Variants in NOTUM observed in about 807,000 individuals in gnomAD.
NOTUM encodes the protein notum, palmitoleoyl-protein carboxylesterase, also known as palmitoleoyl-protein carboxylesterase NOTUM.
A neutral mutation model predicts 65.5 loss-of-function variants in NOTUM; 36 were observed. The ratio of observed to expected loss-of-function variants is 0.55; its 90% confidence interval spans 0.42 to 0.73. The LOEUF is 0.73. NOTUM is among the 30% of genes least tolerant of loss of function. NOTUM has a pLI of 0.00. For synonymous variants in NOTUM, 356 were observed against 297.9 expected (o/e 1.20, Z -2.01); for missense variants, 659 against 694.2 (o/e 0.95, Z 0.57).
At position 81,959,655 on chromosome 17, in the gene NOTUM, G is replaced by A. The variant is rs896994147; in HGVS notation, c.361C>T (p.Leu121Phe). 3 of 1,543,534 alleles carry A rather than the reference G, an allele frequency of 1.9e-6. No individual in the cohort carries two copies. The highest frequency in any genetic ancestry group is 1.7e-6 in the Non-Finnish European group (2 of 1,145,142). The change falls in exon 2 of 11, where the codon CTC becomes TTC. Residue 121 changes from leucine (L) to phenylalanine (F), a missense_variant. By Grantham distance (22) the Leu-to-Phe change is conservative. Coordinates refer to ENST00000409678, the MANE Select transcript of NOTUM (RefSeq NM_178493.6). ...LKESRGSRRW[L>F]LFLEGGWYCF... ...CTGGACGCACCTTCCAGGAAGAGGA[G>A]CCACCGCCGGCTGCCCCTGGACTCC...
In NOTUM at chr17:81,960,383, C is replaced by A. The variant is rs2041465509; in HGVS notation, c.323+204G>T. 6.6e-6 allele frequency among the ~76,000 whole-genome samples: 1 copy of A among 152,220 alleles called. No homozygotes were observed. Among genetic ancestry groups the A allele is most frequent in the South Asian group, 2.1e-4 (1 of 4,838 alleles). On this transcript the variant is annotated intron_variant, in intron 1 of 10. Coordinates refer to ENST00000409678, the MANE Select transcript of NOTUM (RefSeq NM_178493.6). This position sits in a 1 kb window ranked among gnomAD's most constrained non-coding sequence, Gnocchi z 6.4. ...AGAGGCCGAGGGGTCAGTGCCCGAG[C>A]TGGCCGGGGACCAGCCCTTCCAGCG...
rs758691068 is a variant in NOTUM, at chr17:81,954,228, G to A, written c.1184+28C>T. ...GACTTTTGAAGTTGATGTCATGGAC[G>A]CAAGCTGCCCGGAGCAGGGACACTG... On this transcript the variant is annotated intron_variant, in intron 10 of 10. Coordinates refer to ENST00000409678, the MANE Select transcript of NOTUM (RefSeq NM_178493.6). 1.1e-5 allele frequency: 17 copies of A among 1,576,938 alleles called. No individual in the cohort carries two copies. In the Admixed American group the frequency reaches 1.7e-4, roughly 15 times the overall value.
rs1269884882 is a variant in NOTUM at position 81,960,581 on chromosome 17, C to T, written c.323+6G>A. The T allele has an allele frequency of 2.0e-6, 3 of 1,488,788 alleles. No homozygotes were observed. The African/African-American group carries it at 4.2e-5, about 21-fold the overall frequency. The allele number at this position is 1,488,788 out of a possible 1,614,324, so 92.2% of individuals were successfully genotyped here. On this transcript the variant is annotated splice_donor_region_variant and intron_variant, in intron 1 of 10. Transcript: ENST00000409678. The surrounding 1 kb of genome is among the most constrained non-coding windows in gnomAD (Gnocchi z 6.4). ...GGGGCGGGGAGGTGCAGGGCGCGGG[C>T]CTTACCCGGCGGGGCTGCCGTCGTT...
chr17:81,959,403 C>T (rs1340641912), intron 3 of NOTUM, 68 bp downstream of exon 3: 1 of 1,252,912 alleles, frequency 8.0e-7, no homozygotes, highest in Non-Finnish European at 1.1e-6. Context: ...GGCTGGGGCT[C>T]CAGGAGGCGG....
Position 81,958,434 on chromosome 17 carries a change from G to T in NOTUM, c.534-41C>A, listed in dbSNP as rs377225305. On this transcript the variant is annotated intron_variant, in intron 4 of 10. Transcript: ENST00000409678. Reference sequence around the variant, plus strand: ...GAGTGAGCCTGTCACAGCGCCTGCCGCCCGGCAGCCTCCAGAAAGGACCCC... The same window carrying T: ...GAGTGAGCCTGTCACAGCGCCTGCCTCCCGGCAGCCTCCAGAAAGGACCCC... 5.2e-5 allele frequency: 74 copies of T among 1,421,186 alleles called. No individual in the cohort carries two copies. In the African/African-American group the frequency reaches 8.5e-4, roughly 16 times the overall value. The allele number at this position is 1,421,186 out of a possible 1,614,324, so 88.0% of individuals were successfully genotyped here.
chr17:81,957,718 C>A, intron 6 of NOTUM, 88 bp downstream of exon 6: 1 of 915,882 alleles, frequency 1.1e-6, no homozygotes, highest in Admixed American at 2.1e-5. Flanking sequence ...CCATCCTCGC[C>A]TCTCATACAA....
rs146113460 is a variant in NOTUM, at chr17:81,958,826, C to G, written c.533+109G>C. 34 of 821,262 alleles carry G rather than the reference C, an allele frequency of 4.1e-5. No homozygotes were observed. The African/African-American group carries it at 5.1e-4, about 12-fold the overall frequency. The allele number at this position is 821,262 out of a possible 1,614,324, so 50.9% of individuals were successfully genotyped here. The stretch of plus-strand genomic sequence containing the variant: ...ACCTCCCCAAAAGAACCATCCAGAA[C>G]AGGACCCCCAGGAAAGACCATTTCA... On this transcript the variant is annotated intron_variant, in intron 4 of 10. Transcript: ENST00000409678.
intron 3 of NOTUM, 168 bp from the exon 4 acceptor site, chr17:81,959,163 TA>T: frequency 1.5e-6 from 1 of 650,896 alleles, no homozygotes; most frequent in Non-Finnish European, 2.7e-6. Flanking sequence ...CAGTTGGGTT[TA>T]GTTACCCCCG....
chr17:81,959,203 T>G, intron 3 of NOTUM: 1 of 619,750 alleles, frequency 1.6e-6, no homozygotes, highest in African/African-American at 1.8e-5. Context: ...GGTGCCCGGC[T>G]AGGCTGGACA....
chr17:81,959,384 T>C, intron 3 of NOTUM, 87 bp downstream of exon 3: 1 of 1,021,668 alleles, frequency 9.8e-7, no homozygotes, highest in East Asian at 2.6e-5. Context: ...ATGTGCGGGG[T>C]GGGGGCCTGG....
chr17:81,960,751 C>T lies in NOTUM; in HGVS notation c.159G>A (p.Pro53=), dbSNP rs2041469111. 2 of 1,595,070 alleles carry T rather than the reference C, an allele frequency of 1.3e-6. No individual in the cohort carries two copies. The highest frequency in any genetic ancestry group is 2.3e-5 in the East Asian group (1 of 44,166). The change falls in exon 1 of 11, where the codon CCG becomes CCA. Residue 53 remains proline (P), a synonymous_variant. Coordinates refer to ENST00000409678, the MANE Select transcript of NOTUM (RefSeq NM_178493.6). This position sits in a 1 kb window ranked among gnomAD's most constrained non-coding sequence, Gnocchi z 6.4. ...PAAGQPVESF[P]LDFTAVEGNM... is the part of the protein sequence containing the mutation. The stretch of plus-strand genomic sequence containing the variant: ...TACCCTCCACGGCCGTGAAGTCCAG[C>T]GGGAAGCTCTCCACGGGCTGTCCGG...
rs751910651 is a variant in NOTUM, at chr17:81,958,929, C to T, written c.533+6G>A. On this transcript the variant is annotated splice_donor_region_variant and intron_variant, in intron 4 of 10. Transcript: ENST00000409678. ...GACTCCCAGGCAAGACCCTGTGCCC[C>T]CTTACACCATGTTTGCGTTCCACCA... is the stretch of plus-strand genomic sequence containing the variant. 6.2e-7 allele frequency: 1 copy of T among 1,611,128 alleles called. No homozygotes were observed. Among genetic ancestry groups the T allele is most frequent in the Admixed American group, 1.7e-5 (1 of 60,006 alleles).
rs760415290 is a variant in NOTUM at position 81,956,737 on chromosome 17, C to T, written c.901G>A (p.Val301Met). Residue 301 changes from valine to methionine, a missense_variant, in exon 8 of 11, where the codon GTG (valine) becomes ATG (methionine). By Grantham distance (21) the Val-to-Met change is conservative. Transcript: ENST00000409678. ...TGGCGTCGGCAGCGCTCCGGGACCA[C>T]CCCGTTCCAGTACCTGGAGCCACAG... is the stretch of plus-strand genomic sequence containing the variant. ...IRRGIRYWNG[V>M]VPERCRRQFQ... 24 of 1,612,532 alleles carry T rather than the reference C, an allele frequency of 1.5e-5. No individual in the cohort carries two copies. The highest frequency in any genetic ancestry group is 1.9e-5 in the Non-Finnish European group (23 of 1,179,760).
Position 81,956,965 on chromosome 17 carries a change from G to A in NOTUM, c.805C>T (p.Leu269=), listed in dbSNP as rs975118874. 1.2e-6 allele frequency: 2 copies of A among 1,613,422 alleles called. No homozygotes were observed. The highest frequency in any genetic ancestry group is 1.3e-5 in the African/African-American group (1 of 75,050). Reference sequence around the variant, plus strand: ...GTGTGGCGATACTGCTTGTTGTCCAGGAACCAGCCGGAGTCAGCCAGGCCT... The same window carrying A: ...GTGTGGCGATACTGCTTGTTGTCCAAGAACCAGCCGGAGTCAGCCAGGCCT... ...VRGLADSGWF[L]DNKQYRHTDC... Residue 269 remains leucine, a synonymous_variant, in exon 7 of 11, where the codon CTG becomes TTG. Transcript: ENST00000409678.
chr17:81,953,784 TTC>T (rs1241892975), intron 10 of NOTUM, among the ~76,000 whole-genome samples: 1 of 150,606 alleles, frequency 6.6e-6, no homozygotes, highest in Non-Finnish European at 1.5e-5. Context: ...TTTTTTTTTT[TTC>T]TTTTTTTTTT....
At chr17:81,958,833 C>T in intron 4 of NOTUM, 102 bp downstream of exon 4, 1 of 879,328 alleles carries the variant, frequency 1.1e-6, no homozygotes, top group Non-Finnish European at 1.9e-6. Context: ...GAACAGGACC[C>T]CCAGGAAAGA....
At chr17:81,957,697 C>A in intron 6 of NOTUM, 109 bp downstream of exon 6, 1 of 754,680 alleles carries the variant, frequency 1.3e-6, no homozygotes, top group Non-Finnish European at 2.3e-6. Context: ...AAGATCTGCA[C>A]AGGCTCCACT....
At chr17:81,958,854 A>G (rs919975947) in intron 4 of NOTUM, 81 bp downstream of exon 4, 3 of 1,073,414 alleles carry the variant, frequency 2.8e-6, no homozygotes, top group Non-Finnish European at 4.3e-6. Context: ...CCATTTCAGA[A>G]TATGACTTCC....
rs2041438457 is a variant in NOTUM, at chr17:81,956,959, T to A, written c.811A>T (p.Asn271Tyr). The change falls in exon 7 of 11, where the codon AAC becomes TAC. Residue 271 changes from asparagine to tyrosine, a missense_variant. Coordinates refer to ENST00000409678, the MANE Select transcript of NOTUM (RefSeq NM_178493.6). ...GLADSGWFLDNKQYRHTDCVD... is the reference protein window; with the variant it reads ...GLADSGWFLDYKQYRHTDCVD... The stretch of plus-strand genomic sequence containing the variant: ...CAGTCTGTGTGGCGATACTGCTTGT[T>A]GTCCAGGAACCAGCCGGAGTCAGCC... 6.8e-6 allele frequency: 11 copies of A among 1,613,484 alleles called. No homozygotes were observed. The highest frequency in any genetic ancestry group is 9.3e-6 in the Non-Finnish European group (11 of 1,179,944).
Sources: gnomAD v4.1 joint callset for allele counts (sites outside exome capture counted in the v4.1 genomes callset) on GRCh38, gnomAD v4.1.1 for gene constraint, Gnocchi (gnomAD v3.1) non-coding constraint, MANE v1.5 for transcripts, NCBI Gene and HGNC (gene_info 2026-07-23, HGNC 2026-07-21) for gene names.